Variants in IRF7 observed in about 807,000 individuals in gnomAD.
IRF7 encodes interferon regulatory factor 7.
A neutral mutation model predicts 51.3 loss-of-function variants in IRF7; 67 were observed. The observed-to-expected ratio is 1.31, with a 90% CI of 1.07 to 1.60. The LOEUF (loss-of-function observed/expected upper bound fraction) is 1.60. Ranked by LOEUF, IRF7 falls within the 40% of genes most tolerant of loss-of-function variation. The pLI, the probability that IRF7 is intolerant of heterozygous loss-of-function variation, is 0.00. For missense variants in IRF7, 873 were observed against 701.5 expected (o/e 1.24, Z -2.76); for synonymous variants, 427 against 301.3 (o/e 1.42, Z -4.32).
rs374263101 is a variant in IRF7, at chr11:612,834, C to T, written c.1357-34G>A. The T allele has an allele frequency of 3.1e-5, 50 of 1,598,020 alleles. 1 individual carries two copies. The highest frequency in any genetic ancestry group is 2.0e-4 in the South Asian group (18 of 90,740). On this transcript the variant is annotated intron_variant, in intron 10 of 10. Transcript: ENST00000525445. ...AGGGATCGGGCGTCTGTCAGTGACC[C>T]GGCGTGTGTCCTCCCCTCCCCCTCC...
In IRF7 at chr11:614,178, A is replaced by T; in HGVS notation, c.675T>A (p.Ala225=). ...CCTCCCCGGGCACGCCCACACCTCC[A>T]GCACAGGCCCCAGTCAGGGGAAGCC... is the stretch of plus-strand genomic sequence containing the variant. ...QEGLPLTGAC[A]GGPGLPAGEL... Residue 225 remains alanine (A), a synonymous_variant, in exon 6 of 11, where the codon GCT becomes GCA. Transcript: ENST00000525445. 6.2e-7 allele frequency: 1 copy of T among 1,610,270 alleles called. No homozygotes were observed. The highest frequency in any genetic ancestry group is 8.5e-7 in the Non-Finnish European group (1 of 1,178,806).
intron 10 of IRF7, 41 bp downstream of exon 10, chr11:612,929 TCTGAGGGCATCAGGCGTCTGTCAGTGGGC>T (rs1856521784): frequency 6.3e-7 from 1 of 1,587,874 alleles, no homozygotes; most frequent in Admixed American, 1.7e-5. Flanking sequence ...TCTCCGAGGC[TCTGAGGGCATCAGGCGTCTGTCAGTGGGC>T]CTGAGCACAT....
Position 612,737 on chromosome 11 carries a change from C to G in IRF7, c.1420G>C (p.Asp474His), listed in dbSNP as rs764652068. The G allele has an allele frequency of 6.2e-7, 1 of 1,612,718 alleles. No individual in the cohort carries two copies. The highest frequency in any genetic ancestry group is 8.5e-7 in the Non-Finnish European group (1 of 1,180,002). The change falls in exon 11 of 11, where the codon GAT becomes CAT. Residue 474 changes from aspartate (D) to histidine (H), a missense_variant. Asp to His is a moderately conservative substitution (Grantham distance 81). Coordinates refer to ENST00000525445, the MANE Select transcript of IRF7 (RefSeq NM_001572.5). ...AGGCAGAGGCTGAGGCTGCTGCTAT[C>G]CAGGGAAGACACACCCTCACGCTGC... ...GTQREGVSSL[D>H]SSSLSLCLSS...
chr11:615,692 G>A (rs1439141772), intron 1 of IRF7, 45 bp from the exon 2 acceptor site: 6 of 383,230 alleles, frequency 1.6e-5, no homozygotes, highest in Non-Finnish European at 2.8e-5. Context: ...TCAGGCTCCC[G>A]GGAAAGCGAA....
rs375116104 is a variant in IRF7, at chr11:613,020, C to T, written c.1335G>A (p.Glu445=). The change falls in exon 10 of 11, where the codon GAG becomes GAA. Residue 445 remains glutamate (E), a synonymous_variant. Coordinates refer to ENST00000525445, the MANE Select transcript of IRF7 (RefSeq NM_001572.5). ...TCACCTTCACCAGGACCAGGCTCTTCTCCTTGGGCCTCCCAGCTGACAGGT... is the reference window on the plus strand; with the variant it reads ...TCACCTTCACCAGGACCAGGCTCTTTTCCTTGGGCCTCCCAGCTGACAGGT... ...GQDLSAGRPK[E]KSLVLVKLEP... is the part of the protein sequence containing the mutation. The T allele has an allele frequency of 1.9e-6, 3 of 1,613,016 alleles. No individual in the cohort carries two copies. The highest frequency in any genetic ancestry group is 2.7e-5 in the African/African-American group (2 of 74,938).
rs1457356027 is a variant in IRF7 at position 614,196 on chromosome 11, G to A, written c.657C>T (p.Pro219=). The A allele has an allele frequency of 6.2e-7, 1 of 1,612,692 alleles. No homozygotes were observed. The highest frequency in any genetic ancestry group is 1.3e-5 in the African/African-American group (1 of 74,908). ...CACCTCCAGCACAGGCCCCAGTCAGGGGAAGCCCTTCTTGTCCCTCTCCAG... is the reference window on the plus strand; with the variant it reads ...CACCTCCAGCACAGGCCCCAGTCAGAGGAAGCCCTTCTTGTCCCTCTCCAG... ...KAPGEGQEGL[P]LTGACAGGPG... Residue 219 remains proline (P), a synonymous_variant, in exon 6 of 11, where the codon CCC becomes CCT. Coordinates refer to ENST00000525445, the MANE Select transcript of IRF7 (RefSeq NM_001572.5).
chr11:615,038 GC>G (rs1564885418), intron 3 of IRF7, 31 bp from the exon 4 acceptor site: 5 of 1,546,316 alleles, frequency 3.2e-6, no homozygotes, highest in Non-Finnish European at 1.7e-6. Context: ...CGTGTGCCGG[GC>G]CCGCGGGGTC....
chr11:613,819 C>G lies in IRF7; in HGVS notation c.813G>C (p.Leu271=). ...PESPHQAEPY[L]SPSPSACTAV... ...CGGTGCAGGCGCTTGGGGAGGGTGA[C>G]AGGTACGGCTCTGCCTGGTGCGGGG... Residue 271 remains leucine, a synonymous_variant, in exon 8 of 11, where the codon CTG becomes CTC. Transcript: ENST00000525445. 1 of 1,579,778 alleles carries G rather than the reference C, an allele frequency of 6.3e-7. No homozygotes were observed. Among genetic ancestry groups the G allele is most frequent in the Non-Finnish European group, 8.5e-7 (1 of 1,169,632 alleles).
chr11:612,711 C>A lies in IRF7; in HGVS notation c.1446G>T (p.Leu482=). ...CGTCATAGAGGCTGTTGGCGCTGGACAGGCAGAGGCTGAGGCTGCTGCTAT... is the reference window on the plus strand; with the variant it reads ...CGTCATAGAGGCTGTTGGCGCTGGAAAGGCAGAGGCTGAGGCTGCTGCTAT... The part of the protein sequence containing the change: ...SLDSSSLSLC[L]SSANSLYDDI... The change falls in exon 11 of 11, where the codon CTG becomes CTT. Residue 482 remains leucine (L), a synonymous_variant. Transcript: ENST00000525445. 1 of 1,612,944 alleles carries A rather than the reference C, an allele frequency of 6.2e-7. No homozygotes were observed. The highest frequency in any genetic ancestry group is 8.5e-7 in the Non-Finnish European group (1 of 1,180,008).
chr11:613,192 A>ACACCCCCCAGGCAG lies in IRF7; in HGVS notation c.1237+13_1237+14insCTGCCTGGGGGGTG. The ACACCCCCCAGGCAG allele has an allele frequency of 6.3e-7, 1 of 1,589,702 alleles. No individual in the cohort carries two copies. The highest frequency in any genetic ancestry group is 1.8e-5 in the Admixed American group (1 of 56,806). Reference sequence around the variant, plus strand: ...ACCCCTGGAGACAGCCCCCCAGGCAAGGGCCTCACTGACCTTGGAAGAAGA... The same window carrying ACACCCCCCAGGCAG: ...ACCCCTGGAGACAGCCCCCCAGGCAACACCCCCCAGGCAGGGGCCTCACTGACCTTGGAAGAAGA... On this transcript the variant is annotated intron_variant, in intron 9 of 10. Coordinates refer to ENST00000525445, the MANE Select transcript of IRF7 (RefSeq NM_001572.5).
chr11:612,828 G>T, intron 10 of IRF7, 28 bp from the exon 11 acceptor site: 1 of 1,599,146 alleles, frequency 6.3e-7, no homozygotes. Flanking sequence ...GCGTCTGTCA[G>T]TGACCCGGCG....
intron 6 of IRF7, 32 bp downstream of exon 6, chr11:614,142 C>T (rs1183816406): frequency 5.0e-6 from 8 of 1,599,072 alleles, no homozygotes; most frequent in Non-Finnish European, 6.0e-6. Flanking sequence ...TGGCCCCTCC[C>T]GCGCTCCCCC....
intron 10 of IRF7, 24 bp downstream of exon 10, chr11:612,975 C>T: frequency 6.2e-7 from 1 of 1,608,754 alleles, no homozygotes; most frequent in African/African-American, 1.3e-5. Context: ...ACATGGCCTC[C>T]CCTCCTTGAG....
rs1367024049 is a variant in IRF7, at chr11:613,792, C to CTT, written c.839_840insAA (p.Val281ArgfsTer12). On this transcript the variant is annotated frameshift_variant, in exon 8 of 11. Coordinates refer to ENST00000525445, the MANE Select transcript of IRF7 (RefSeq NM_001572.5). LOFTEE classifies it high-confidence loss of function. ...TTCCTGGGATGCACTCACCTTGCACCGCGGTGCAGGCGCTTGGGGAGGGTG... is the reference window on the plus strand; with the variant it reads ...TTCCTGGGATGCACTCACCTTGCACCTTGCGGTGCAGGCGCTTGGGGAGGGTG... 1 of 1,562,168 alleles carries CTT rather than the reference C, an allele frequency of 6.4e-7. No homozygotes were observed. The highest frequency in any genetic ancestry group is 8.6e-7 in the Non-Finnish European group (1 of 1,163,688).
rs185054550 is a variant in IRF7, at chr11:615,367, C to A, written c.-3G>T. 3 of 1,505,058 alleles carry A rather than the reference C, an allele frequency of 2.0e-6. No individual in the cohort carries two copies. The highest frequency in any genetic ancestry group is 2.2e-5 in the Admixed American group (1 of 45,730). The allele number at this position is 1,505,058 out of a possible 1,614,324, so 93.2% of individuals were successfully genotyped here. A position where few individuals can be genotyped will look rare whatever the true frequency, so the allele number is the denominator to read the frequency against. ...TACCTCTCAGGAGCCAAGGCCATTG[C>A]TCCTTCTGCAGGGGCAGTTAGGTGG... On this transcript the variant is annotated 5_prime_UTR_variant, in exon 2 of 11. Transcript: ENST00000525445.
rs1363663234 is a variant in IRF7, at chr11:613,860, C to T, written c.772G>A (p.Ala258Thr). 1 of 1,598,930 alleles carries T rather than the reference C, an allele frequency of 6.3e-7. No individual in the cohort carries two copies. Among genetic ancestry groups the T allele is most frequent in the Non-Finnish European group, 8.5e-7 (1 of 1,174,210 alleles). Residue 258 changes from alanine to threonine, a missense_variant, in exon 8 of 11, where the codon GCC becomes ACC. Physicochemically the swap from Ala to Thr is moderately conservative, Grantham distance 58. Transcript: ENST00000525445. ...PQPAALTTGE[A>T]AAPESPHQAE... ...TGGTGCGGGGACTCTGGGGCCGCGG[C>T]CTCGCCTGCATCCGGAAGGGAATCC... is the stretch of plus-strand genomic sequence containing the variant.
intron 4 of IRF7, 81 bp from the exon 5 acceptor site, chr11:614,615 T>A: frequency 6.7e-7 from 1 of 1,501,784 alleles, no homozygotes; most frequent in Non-Finnish European, 9.0e-7. Flanking sequence ...CCCCACCAGC[T>A]TCCTGGCTGT....
chr11:615,776 C>CGCCTCT (rs1856817694), intron 1 of IRF7, 129 bp from the exon 2 acceptor site: 1 of 215,422 alleles, frequency 4.6e-6, no homozygotes, highest in South Asian at 1.6e-4. Flanking sequence ...ACCCCGCCTC[C>CGCCTCT]GCCTCCGCCT....
Position 613,289 on chromosome 11 carries a change from C to A in IRF7, c.1154G>T (p.Gly385Val), listed in dbSNP as rs767736050. ...GGCTGGGGTGGAGGGGCTGGCGGAG[C>A]CTGGGGGTCCGCCCACCTCCCAGTA... is the stretch of plus-strand genomic sequence containing the variant. ...KVYWEVGGPPGSASPSTPACL... is the reference protein window; with the variant it reads ...KVYWEVGGPPVSASPSTPACL... The change falls in exon 9 of 11, where the codon GGC (glycine) becomes GTC (valine). Residue 385 changes from glycine (G) to valine (V), a missense_variant. Gly to Val is a moderately radical substitution (Grantham distance 109). Coordinates refer to ENST00000525445, the MANE Select transcript of IRF7 (RefSeq NM_001572.5). 2 of 1,609,092 alleles carry A rather than the reference C, an allele frequency of 1.2e-6. No homozygotes were observed. Among genetic ancestry groups the A allele is most frequent in the Non-Finnish European group, 1.7e-6 (2 of 1,178,306 alleles).
Sources: allele counts gnomAD v4.1 joint callset, GRCh38; gene constraint gnomAD v4.1.1; transcripts MANE v1.5; gene names NCBI Gene and HGNC (gene_info 2026-07-23, HGNC 2026-07-21).